The following PRKN variants were observed in gnomAD, a reference collection of about 807,000 sequenced individuals.
PRKN encodes the protein E3 ubiquitin-protein ligase parkin.
In PRKN, 56 loss-of-function variants were observed where a neutral mutation model predicts 59.5. The ratio of observed to expected loss-of-function variants is 0.94; its 90% CI spans 0.76 to 1.18. The LOEUF (loss-of-function observed/expected upper bound fraction) is 1.18. PRKN is among the 50% of genes most tolerant of loss of function. PRKN has a pLI of 0.00. For missense variants in PRKN, 657 were observed against 596.4 expected, an observed-to-expected ratio of 1.10 and a Z score of -1.06; for synonymous variants, 250 against 222.1, an observed-to-expected ratio of 1.13 and a Z score of -1.12.
At chr6:161,937,041 C>T (rs1337516044) in intron 6 of PRKN, among the ~76,000 whole-genome samples, 1 of 152,182 alleles carries the variant, frequency 6.6e-6, no homozygotes, top group Non-Finnish European at 1.5e-5. Flanking sequence ...ATGCCTTGGC[C>T]TCCCAAAGTG....
intron 5 of PRKN, among the ~76,000 whole-genome samples, chr6:161,991,549 A>G (rs1403786263): frequency 6.6e-6 from 1 of 152,226 alleles, no homozygotes; most frequent in Non-Finnish European, 1.5e-5. Context: ...ATTTTAAAAA[A>G]TGGCCCAACT....
At chr6:161,437,162 G>C (rs1788951209) in intron 9 of PRKN, among the ~76,000 whole-genome samples, 1 of 152,132 alleles carries the variant, frequency 6.6e-6, no homozygotes, top group South Asian at 2.1e-4. Context: ...AGCAGAGCAG[G>C]TATAATGGTG....
intron 2 of PRKN, among the ~76,000 whole-genome samples, chr6:162,329,927 A>G (rs968878583): frequency 2.0e-5 from 3 of 152,158 alleles, no homozygotes; most frequent in Non-Finnish European, 2.9e-5. Context: ...CCTATCAGAA[A>G]CGGTATCCAA....
chr6:162,378,677 G>A (rs1786260229), intron 2 of PRKN, among the ~76,000 whole-genome samples: 1 of 152,238 alleles, frequency 6.6e-6, no homozygotes, highest in Non-Finnish European at 1.5e-5. Context: ...CTCAAGAACT[G>A]TTAAATGAGC....
intron 9 of PRKN, among the ~76,000 whole-genome samples, chr6:161,537,695 C>T (rs958530348): frequency 5.3e-5 from 8 of 152,182 alleles, no homozygotes; most frequent in Admixed American, 2.6e-4. Flanking sequence ...TCGTGATCCG[C>T]CCGCCTTAGC....
At position 161,466,115 on chromosome 6, in the gene PRKN, T is replaced by C. The variant is rs12197443; in HGVS notation, c.1084-79238A>G. The stretch of plus-strand genomic sequence containing the variant: ...GGGGAGGACACTTAAGACCTAGTCT[T>C]AGCACATTTCAAGTACACAATACAA... On this transcript the variant is annotated intron_variant, in intron 9 of 11. Transcript: ENST00000366898. The surrounding 1 kb of genome is among the most constrained non-coding windows in gnomAD (Gnocchi z 5.0). 3.2e-3 allele frequency among the ~76,000 whole-genome samples: 494 copies of C among 152,186 alleles called. 4 individuals carry two copies. The highest frequency in any genetic ancestry group is 2.6e-3 in the Admixed American group (40 of 15,282).
rs920617486 is a variant in PRKN, at chr6:161,448,271, T to C, written c.1084-61394A>G. On this transcript the variant is annotated intron_variant, in intron 9 of 11. Transcript: ENST00000366898. The surrounding 1 kb of genome is among the most constrained non-coding windows in gnomAD (Gnocchi z 5.1). ...TCTTTGGTGTCTGCGTATCTCTGAA[T>C]GGCCACTCCCATGCAGCCCTTGAAT... 2.6e-5 allele frequency among the ~76,000 whole-genome samples: 4 copies of C among 152,224 alleles called. No individual in the cohort carries two copies. The highest frequency in any genetic ancestry group is 9.7e-5 in the African/African-American group (4 of 41,450).
intron 2 of PRKN, among the ~76,000 whole-genome samples, chr6:162,414,362 T>A (rs1054676442): frequency 2.0e-5 from 3 of 152,000 alleles, no homozygotes; most frequent in African/African-American, 7.3e-5. Context: ...TGAACGGCTG[T>A]TAGGACAAGG....
intron 6 of PRKN, among the ~76,000 whole-genome samples, chr6:161,958,021 A>G (rs1321387642): frequency 6.6e-6 from 1 of 152,192 alleles, no homozygotes; most frequent in African/African-American, 2.4e-5. Context: ...ATACCCTTTA[A>G]AAAGGGGCAT....
chr6:161,431,757 C>T (rs916248432), intron 9 of PRKN, among the ~76,000 whole-genome samples: 18 of 151,934 alleles, frequency 1.2e-4, no homozygotes, highest in African/African-American at 2.7e-4. Context: ...GGATTACAGG[C>T]GCCTGCCACC....
intron 7 of PRKN, among the ~76,000 whole-genome samples, chr6:161,714,957 A>G (rs978309974): frequency 4.6e-5 from 7 of 152,170 alleles, no homozygotes; most frequent in Non-Finnish European, 1.0e-4. Context: ...CAAATACGGC[A>G]TCTTAAGGAT....
intron 7 of PRKN, among the ~76,000 whole-genome samples, chr6:161,777,831 T>C (rs1281574376): frequency 1.5e-5 from 2 of 136,132 alleles, no homozygotes; most frequent in Admixed American, 1.4e-4. Context: ...TATATGTATA[T>C]GTATACGTAT....
chr6:162,134,000 A>G (rs1781474627), intron 4 of PRKN, among the ~76,000 whole-genome samples: 1 of 152,236 alleles, frequency 6.6e-6, no homozygotes, highest in Non-Finnish European at 1.5e-5. Flanking sequence ...AAGGTTATTT[A>G]CGAAATAATG....
chr6:162,585,532 C>T (rs1311365475), intron 1 of PRKN, among the ~76,000 whole-genome samples: 8 of 152,118 alleles, frequency 5.3e-5, no homozygotes. Flanking sequence ...ATTCTTCAAA[C>T]CTGTCATAAT....
In PRKN at chr6:162,568,665, C is replaced by T. The variant is rs533097334; in HGVS notation, c.8-125192G>A. The T allele has an allele frequency of 4.7e-4, 430 of 911,726 alleles. 2 individuals are homozygous for T. Among genetic ancestry groups the T allele is most frequent in the Admixed American group, 2.7e-3 (156 of 58,162 alleles). 56.5% of individuals were successfully genotyped at this position (911,726 alleles called of 1,614,324 possible). A position where few individuals can be genotyped will look rare whatever the true frequency, so the allele number is the denominator to read the frequency against. ...GTTCCTGGAGCAGCAGAACAACATG[C>T]TAGAGACCAAGTGGAGCCTCCTGCA... On this transcript the variant is annotated intron_variant, in intron 1 of 11. Transcript: ENST00000366898.
At chr6:161,904,469 C>T (rs937978586) in intron 6 of PRKN, among the ~76,000 whole-genome samples, 1 of 151,920 alleles carries the variant, frequency 6.6e-6, no homozygotes, top group South Asian at 2.1e-4. Context: ...GCGCCTGCCA[C>T]CACGCCCAGC....
chr6:161,858,858 C>CTTTTTTTTTTTTTTTTTTTTTT lies in PRKN; in HGVS notation c.735-72951_735-72950insAAAAAAAAAAAAAAAAAAAAAA, dbSNP rs71544920. 1.3e-4 allele frequency among the ~76,000 whole-genome samples: 9 copies of CTTTTTTTTTTTTTTTTTTTTTT among 71,948 alleles called. 3 individuals are homozygous for CTTTTTTTTTTTTTTTTTTTTTT. The highest frequency in any genetic ancestry group is 2.2e-4 in the Non-Finnish European group (8 of 37,044). The allele number at this position is 71,948 out of a possible 152,430, so 47.2% of individuals were successfully genotyped here. On this transcript the variant is annotated intron_variant, in intron 6 of 11. Coordinates refer to ENST00000366898, the MANE Select transcript of PRKN (RefSeq NM_004562.3). ...CTTTCAATTAACTAGCACAGCTGTA[C>CTTTTTTTTTTTTTTTTTTTTTT]TTTTTTTTTTTTTTTTTTTTGAGAC...
chr6:161,856,773 T>C (rs1793672998), intron 6 of PRKN, among the ~76,000 whole-genome samples: 3 of 152,172 alleles, frequency 2.0e-5, no homozygotes, highest in African/African-American at 7.2e-5. Flanking sequence ...GTTTCTTTAT[T>C]CTTGCTTCCC....
intron 7 of PRKN, among the ~76,000 whole-genome samples, chr6:161,770,854 T>C (rs1789643065): frequency 6.6e-6 from 1 of 151,722 alleles, no homozygotes; most frequent in Admixed American, 6.6e-5. Flanking sequence ...GACGAGGAGA[T>C]GAGGACAGAG....
Sources: gnomAD v4.1 joint callset for allele counts (sites outside exome capture counted in the v4.1 genomes callset) on GRCh38, gnomAD v4.1.1 for gene constraint, Gnocchi (gnomAD v3.1) non-coding constraint, MANE v1.5 for transcripts, NCBI Gene and HGNC (gene_info 2026-07-23, HGNC 2026-07-21) for gene names.